The following SCAMP1 variants were observed in gnomAD, a reference collection of about 807,000 sequenced individuals.
SCAMP1 encodes secretory carrier membrane protein 1.
Under a neutral mutation model 41.8 loss-of-function variants are expected in SCAMP1, and 15 were observed. The ratio of observed to expected loss-of-function variants is 0.36; its 90% confidence interval spans 0.24 to 0.55. The LOEUF is 0.55. Among genes scored for constraint, SCAMP1 ranks in the 20% least tolerant of loss-of-function variants. The pLI is 0.86. For synonymous variants in SCAMP1, 135 were observed against 136.8 expected (o/e 0.99, Z 0.09); for missense variants, 341 against 412.6 (o/e 0.83, Z 1.50).
At chr5:78,445,586 G>T (rs146608834) in intron 6 of SCAMP1, among the ~76,000 whole-genome samples, 32 of 151,984 alleles carry the variant, frequency 2.1e-4, no homozygotes, top group African/African-American at 7.0e-4. Flanking sequence ...CTTCCTGCAC[G>T]CAAGACCCAC....
At position 78,476,791 on chromosome 5, in the gene SCAMP1, A is replaced by C. The variant is rs1400217945; in HGVS notation, c.*1123A>C. The C allele has an allele frequency of 6.6e-6, 1 of 152,570 alleles. No homozygotes were observed. The highest frequency in any genetic ancestry group is 1.5e-5 in the Non-Finnish European group (1 of 67,970). The allele number at this position is 152,570 out of a possible 1,614,324, so 9.5% of individuals were successfully genotyped here. A position where few individuals can be genotyped will look rare whatever the true frequency, so the allele number is the denominator to read the frequency against. ...TTTTGAGACAGACTGAATATATCTA[A>C]AATTTCCAGCAATAAAAAAAAAAGC... On this transcript the variant is annotated 3_prime_UTR_variant, in exon 9 of 9. Coordinates refer to ENST00000621999, the MANE Select transcript of SCAMP1 (RefSeq NM_004866.6).
intron 6 of SCAMP1, among the ~76,000 whole-genome samples, chr5:78,436,067 G>C (rs935432784): frequency 1.3e-5 from 2 of 152,016 alleles, no homozygotes; most frequent in African/African-American, 4.8e-5. Flanking sequence ...ACTTTTTGAT[G>C]GGGTTGTTTT....
At chr5:78,432,525 C>A (rs953974037) in intron 6 of SCAMP1, among the ~76,000 whole-genome samples, 1 of 152,104 alleles carries the variant, frequency 6.6e-6, no homozygotes, top group Non-Finnish European at 1.5e-5. Context: ...TTAAACACAT[C>A]ATTTTCATCC....
chr5:78,453,543 A>AT (rs1202360918), intron 7 of SCAMP1, among the ~76,000 whole-genome samples: 165 of 151,494 alleles, frequency 1.1e-3, no homozygotes, highest in African/African-American at 3.9e-3. Context: ...CCATTGATCT[A>AT]TATCTCTGTT....
chr5:78,403,811 C>T (rs1751857177), intron 2 of SCAMP1, among the ~76,000 whole-genome samples: 1 of 151,598 alleles, frequency 6.6e-6, no homozygotes, highest in South Asian at 2.1e-4. Flanking sequence ...ACCAAAAATA[C>T]AAAATTAGCT....
At chr5:78,435,513 A>G (rs975870678) in intron 6 of SCAMP1, among the ~76,000 whole-genome samples, 3 of 152,172 alleles carry the variant, frequency 2.0e-5, no homozygotes, top group Non-Finnish European at 4.4e-5. Flanking sequence ...GCTCAGAATG[A>G]TAGTTTCCAG....
At chr5:78,392,011 G>T in intron 2 of SCAMP1, among the ~76,000 whole-genome samples, 1 of 128,934 alleles carries the variant, frequency 7.8e-6, no homozygotes, top group Admixed American at 9.6e-5. Context: ...GAGAGGGAGA[G>T]GGAGAGGGAG....
chr5:78,364,365 AAGAT>A (rs1333663430), intron 1 of SCAMP1, among the ~76,000 whole-genome samples: 20 of 152,240 alleles, frequency 1.3e-4, no homozygotes, highest in African/African-American at 4.8e-4. Flanking sequence ...TTGATTGAAT[AAGAT>A]AGTTCATTAT....
At chr5:78,362,140 T>C (rs573762633) in intron 1 of SCAMP1, among the ~76,000 whole-genome samples, 1 of 152,342 alleles carries the variant, frequency 6.6e-6, no homozygotes, top group South Asian at 2.1e-4. Context: ...TGCTTCCATG[T>C]TGTGGAAAAT....
chr5:78,453,179 C>A (rs1753287285), intron 7 of SCAMP1, among the ~76,000 whole-genome samples: 1 of 150,950 alleles, frequency 6.6e-6, no homozygotes, highest in African/African-American at 2.4e-5. Flanking sequence ...TGCAGAAGCT[C>A]TTTAGTTTAA....
chr5:78,460,132 T>C (rs1457537668), intron 8 of SCAMP1, among the ~76,000 whole-genome samples: 2 of 152,230 alleles, frequency 1.3e-5, no homozygotes, highest in African/African-American at 4.8e-5. Context: ...ATGTATCACA[T>C]TTTCTTTATT....
chr5:78,397,013 G>A (rs1473411767), intron 2 of SCAMP1, among the ~76,000 whole-genome samples: 1 of 152,180 alleles, frequency 6.6e-6, no homozygotes, highest in African/African-American at 2.4e-5. Context: ...TTTTGCAGCA[G>A]TGGAGAGCAG....
chr5:78,460,948 C>T (rs1170069403), intron 8 of SCAMP1, among the ~76,000 whole-genome samples: 2 of 151,822 alleles, frequency 1.3e-5, no homozygotes, highest in Non-Finnish European at 2.9e-5. Context: ...CTCCACCTCC[C>T]GTGTTCACAC....
chr5:78,445,338 C>G (rs1235284628), intron 6 of SCAMP1, among the ~76,000 whole-genome samples: 1 of 152,150 alleles, frequency 6.6e-6, no homozygotes, highest in African/African-American at 2.4e-5. Context: ...GCCAGGATGG[C>G]AAGTAGTAGA....
intron 2 of SCAMP1, among the ~76,000 whole-genome samples, chr5:78,398,979 T>C (rs1453452349): frequency 1.3e-5 from 2 of 152,218 alleles, no homozygotes; most frequent in Admixed American, 1.3e-4. Context: ...TTCATCTCTT[T>C]GCCCCTTCCC....
chr5:78,380,857 G>A (rs1179290310), intron 1 of SCAMP1, among the ~76,000 whole-genome samples: 2 of 152,180 alleles, frequency 1.3e-5, no homozygotes, highest in Non-Finnish European at 2.9e-5. Context: ...CTTGAGGCCA[G>A]GAGTTCAAGG....
intron 1 of SCAMP1, 41 bp downstream of exon 1, chr5:78,360,769 C>T (rs1044437240): frequency 3.2e-6 from 5 of 1,572,166 alleles, no homozygotes; most frequent in Admixed American, 1.8e-5. Context: ...CGCGACGCGT[C>T]GTTGTTTGTG....
chr5:78,445,771 T>C (rs1375242056), intron 6 of SCAMP1, among the ~76,000 whole-genome samples: 1 of 152,168 alleles, frequency 6.6e-6, no homozygotes, highest in Non-Finnish European at 1.5e-5. Flanking sequence ...GATATTCACG[T>C]GATGATTGTA....
intron 6 of SCAMP1, among the ~76,000 whole-genome samples, chr5:78,430,897 G>A (rs527738562): frequency 2.8e-4 from 42 of 152,114 alleles, no homozygotes; most frequent in Middle Eastern, 3.4e-3. Flanking sequence ...GTTAGTATTT[G>A]TTACAAAGTT....
Sources: gnomAD v4.1 joint callset for allele counts (sites outside exome capture counted in the v4.1 genomes callset) on GRCh38, gnomAD v4.1.1 for gene constraint, MANE v1.5 for transcripts, NCBI Gene and HGNC (gene_info 2026-07-23, HGNC 2026-07-21) for gene names.